The following ERBB4 variants were observed in gnomAD, a reference collection of about 807,000 sequenced individuals.
The protein encoded by ERBB4 is receptor tyrosine-protein kinase erbB-4.
A neutral mutation model predicts 158.0 loss-of-function variants in ERBB4; 42 were observed. The ratio of observed to expected loss-of-function variants is 0.27; its 90% CI spans 0.21 to 0.34. The LOEUF (loss-of-function observed/expected upper bound fraction) is 0.34. Ranked by LOEUF, ERBB4 falls within the 10% of genes least tolerant of loss-of-function variation. The pLI is 1.00. For missense variants in ERBB4, 1,333 were observed against 1,624.1 expected (o/e 0.82, Z 3.08); for synonymous variants, 583 against 558.7 (o/e 1.04, Z -0.61).
chr2:212,302,381 A>G (rs1355821949), intron 1 of ERBB4, among the ~76,000 whole-genome samples: 3 of 151,542 alleles, frequency 2.0e-5, no homozygotes, highest in Non-Finnish European at 4.4e-5. Flanking sequence ...AGGTATTTAT[A>G]TAAAATCTCC....
chr2:212,277,134 G>T (rs959789283), intron 1 of ERBB4, among the ~76,000 whole-genome samples: 3 of 151,768 alleles, frequency 2.0e-5, no homozygotes, highest in African/African-American at 4.8e-5. Flanking sequence ...TAGGGGGAAT[G>T]AGGTATATTA....
chr2:211,987,341 A>AAAAAAAAAAAAAAAAAAAAAAAAAAAAAG (rs1215048952), intron 2 of ERBB4, among the ~76,000 whole-genome samples: 2 of 124,416 alleles, frequency 1.6e-5, no homozygotes, highest in Admixed American at 9.6e-5. Context: ...AAAAAAAAAA[A>AAAAAAAAAAAAAAAAAAAAAAAAAAAAAG]AAAGAAAGAA....
chr2:211,592,161 TACAAGCTGCTAG>T (rs1210363853), intron 19 of ERBB4, among the ~76,000 whole-genome samples: 1 of 147,140 alleles, frequency 6.8e-6, no homozygotes, highest in Non-Finnish European at 1.5e-5. Context: ...TTAAGACTAT[TACAAGCTGCTAG>T]ACGCCCGGTA....
Position 211,380,646 on chromosome 2 carries a change from TAAAAC to T in ERBB4, c.*2964_*2968del, listed in dbSNP as rs2062559642. On this transcript the variant is annotated 3_prime_UTR_variant, in exon 28 of 28. Transcript: ENST00000342788. ...TATGTTTTCCCAGGGGGGACAAAAA[TAAAAC>T]AAAAAACACTCAAACAACTGAAGTC... The T allele has an allele frequency of 4.3e-6, 1 of 231,748 alleles. No individual in the cohort carries two copies. Among genetic ancestry groups the T allele is most frequent in the Admixed American group, 5.6e-5 (1 of 17,712 alleles). 14.4% of individuals were successfully genotyped at this position (231,748 alleles called of 1,614,324 possible).
chr2:212,072,105 T>A (rs1297279639), intron 2 of ERBB4, among the ~76,000 whole-genome samples: 1 of 151,962 alleles, frequency 6.6e-6, no homozygotes, highest in South Asian at 2.1e-4. Flanking sequence ...GTCCATAGTA[T>A]TTTTCTAGGC....
At chr2:211,722,645 C>A in intron 6 of ERBB4, 111 bp from the exon 7 acceptor site, 1 of 1,141,938 alleles carries the variant, frequency 8.8e-7, no homozygotes, top group Non-Finnish European at 1.3e-6. Context: ...ACAAATATTA[C>A]AAAATTTGAT....
chr2:211,912,963 A>C (rs924972899), intron 3 of ERBB4, among the ~76,000 whole-genome samples: 2 of 152,180 alleles, frequency 1.3e-5, no homozygotes, highest in African/African-American at 4.8e-5. Context: ...CTGTCTTGCC[A>C]CTAAAATCTG....
chr2:212,243,981 A>T (rs1288471274), intron 1 of ERBB4, among the ~76,000 whole-genome samples: 1 of 152,142 alleles, frequency 6.6e-6, no homozygotes, highest in Admixed American at 6.6e-5. Context: ...TATGGTATTC[A>T]AGTTAATTTA....
chr2:212,179,785 A>G (rs2081797498), intron 1 of ERBB4, among the ~76,000 whole-genome samples: 1 of 151,580 alleles, frequency 6.6e-6, no homozygotes, highest in Non-Finnish European at 1.5e-5. Flanking sequence ...TTATAAACAC[A>G]CTTTATGATG....
intron 1 of ERBB4, among the ~76,000 whole-genome samples, chr2:212,193,226 A>G (rs527316139): frequency 6.6e-5 from 10 of 152,252 alleles, no homozygotes; most frequent in African/African-American, 2.4e-4. Context: ...CATCTTGTCC[A>G]TTATGTGAAT....
Position 211,772,870 on chromosome 2 carries a change from CACATATATATATAT to C in ERBB4, c.556+15141_556+15154del, listed in dbSNP as rs1559504494. ...ATATATATATATATATATATATATA[CACATATATATATAT>C]ACACACACACACACATATATATATA... On this transcript the variant is annotated intron_variant, in intron 4 of 27. Transcript: ENST00000342788. Among the ~76,000 whole-genome samples, 26 of 58,952 alleles carry C rather than the reference CACATATATATATAT, an allele frequency of 4.4e-4. 1 individual carries two copies. Among genetic ancestry groups the C allele is most frequent in the African/African-American group, 1.4e-3 (23 of 16,072 alleles). The allele number at this position is 58,952 out of a possible 152,430, so 38.7% of individuals were successfully genotyped here.
chr2:211,568,460 TTA>T (rs1207060056), intron 19 of ERBB4, among the ~76,000 whole-genome samples: 1 of 152,172 alleles, frequency 6.6e-6, no homozygotes, highest in Non-Finnish European at 1.5e-5. Context: ...CACCAGATAT[TTA>T]TATCTTTCCA....
intron 2 of ERBB4, among the ~76,000 whole-genome samples, chr2:212,050,940 C>T (rs1457794295): frequency 6.6e-6 from 1 of 152,148 alleles, no homozygotes; most frequent in Non-Finnish European, 1.5e-5. Flanking sequence ...GAAGGTACAC[C>T]TGCAAGCTTC....
At chr2:212,450,101 A>T (rs75030462) in intron 1 of ERBB4, among the ~76,000 whole-genome samples, 68 of 152,264 alleles carry the variant, frequency 4.5e-4, no homozygotes, top group African/African-American at 1.6e-3. Context: ...GTGCCTCATG[A>T]TCCTAAGAAC....
At chr2:211,888,385 C>A (rs1331265319) in intron 3 of ERBB4, among the ~76,000 whole-genome samples, 1 of 152,166 alleles carries the variant, frequency 6.6e-6, no homozygotes, top group Non-Finnish European at 1.5e-5. Context: ...TACATTTCCA[C>A]TTATGATTAT....
At chr2:211,944,155 A>AC in intron 3 of ERBB4, among the ~76,000 whole-genome samples, 1 of 129,114 alleles carries the variant, frequency 7.7e-6, no homozygotes, top group African/African-American at 2.9e-5. Flanking sequence ...TATACACTAT[A>AC]TATATACACT....
chr2:212,069,842 G>A (rs1051602242), intron 2 of ERBB4, among the ~76,000 whole-genome samples: 1 of 152,008 alleles, frequency 6.6e-6, no homozygotes, highest in African/African-American at 2.4e-5. Context: ...TTAAGGCTGG[G>A]TACGGTGGCT....
At chr2:212,058,770 A>C (rs1398316767) in intron 2 of ERBB4, among the ~76,000 whole-genome samples, 7 of 152,216 alleles carry the variant, frequency 4.6e-5, no homozygotes, top group African/African-American at 1.7e-4. Flanking sequence ...TCAATAAATT[A>C]GGTATTGATG....
chr2:211,546,807 G>C (rs1039383806), intron 20 of ERBB4, among the ~76,000 whole-genome samples: 3 of 152,088 alleles, frequency 2.0e-5, no homozygotes, highest in Non-Finnish European at 4.4e-5. Context: ...ATCAAGCTTA[G>C]TGTCCAGAAT....
Sources: allele counts gnomAD v4.1 joint callset (sites outside exome capture counted in the v4.1 genomes callset), GRCh38; gene constraint gnomAD v4.1.1; transcripts MANE v1.5; gene names NCBI Gene and HGNC (gene_info 2026-07-23, HGNC 2026-07-21).